Variants in PPM1H observed in about 807,000 individuals in gnomAD.
PPM1H encodes the protein protein phosphatase 1H.
In PPM1H, 27 loss-of-function variants were observed where a neutral mutation model predicts 54.9. That is an observed-to-expected ratio of 0.49 (90% confidence interval 0.36 to 0.68). The LOEUF (loss-of-function observed/expected upper bound fraction) is 0.68, where lower values mean the gene tolerates loss of function less well. Ranked by LOEUF, PPM1H falls within the 30% of genes least tolerant of loss-of-function variation. The pLI, the probability that PPM1H is intolerant of heterozygous loss-of-function variation, is 0.00. For synonymous variants in PPM1H, 305 were observed against 270.8 expected, an observed-to-expected ratio of 1.13 and a Z score of -1.24; for missense variants, 596 against 667.8, an observed-to-expected ratio of 0.89 and a Z score of 1.19.
At chr12:62,719,241 T>G (rs1003734052) in intron 6 of PPM1H, among the ~76,000 whole-genome samples, 1 of 152,156 alleles carries the variant, frequency 6.6e-6, no homozygotes, top group Non-Finnish European at 1.5e-5. Context: ...ACCATGGGAA[T>G]TTGGGCTGTG....
intron 8 of PPM1H, among the ~76,000 whole-genome samples, chr12:62,684,916 T>C (rs1592542069): frequency 6.6e-6 from 1 of 152,118 alleles, no homozygotes; most frequent in East Asian, 1.9e-4. Flanking sequence ...GCTCCAAAAA[T>C]TGTGGACAGG....
chr12:62,923,614 C>A (rs1297863319), intron 1 of PPM1H, among the ~76,000 whole-genome samples: 1 of 152,190 alleles, frequency 6.6e-6, no homozygotes, highest in Non-Finnish European at 1.5e-5. Flanking sequence ...ATCGGCCAAG[C>A]TGGTCTCGAG....
intron 4 of PPM1H, among the ~76,000 whole-genome samples, chr12:62,741,613 T>A (rs1030737105): frequency 7.2e-5 from 11 of 152,330 alleles, no homozygotes; most frequent in African/African-American, 2.4e-4. Context: ...CCTCCTGGCC[T>A]ACCCTCCATG....
chr12:62,872,629 G>C (rs970661784), intron 1 of PPM1H, among the ~76,000 whole-genome samples: 3 of 152,132 alleles, frequency 2.0e-5, no homozygotes, highest in African/African-American at 7.2e-5. Flanking sequence ...AATTATATTT[G>C]CATATGTTTT....
chr12:62,832,695 AATCTT>A (rs1052277017), intron 1 of PPM1H, among the ~76,000 whole-genome samples: 4 of 152,164 alleles, frequency 2.6e-5, no homozygotes, highest in African/African-American at 7.2e-5. Flanking sequence ...AACCACCATC[AATCTT>A]ATCAAGGTAC....
At chr12:62,776,674 C>T (rs1019117272) in intron 4 of PPM1H, among the ~76,000 whole-genome samples, 1 of 152,180 alleles carries the variant, frequency 6.6e-6, no homozygotes, top group African/African-American at 2.4e-5. Flanking sequence ...CCAGCATTTC[C>T]AGACCCTAGC....
chr12:62,651,767 A>G (rs2075817953), intron 9 of PPM1H, among the ~76,000 whole-genome samples: 1 of 152,158 alleles, frequency 6.6e-6, no homozygotes, highest in Non-Finnish European at 1.5e-5. Context: ...AGTAGGCCCA[A>G]TACTCTACTA....
At chr12:62,817,525 A>G (rs1412407969) in intron 2 of PPM1H, among the ~76,000 whole-genome samples, 1 of 152,154 alleles carries the variant, frequency 6.6e-6, no homozygotes, top group Non-Finnish European at 1.5e-5. Context: ...TATTTTCTTC[A>G]CATGTGCAGA....
At chr12:62,658,102 C>T (rs900016001) in intron 9 of PPM1H, among the ~76,000 whole-genome samples, 1 of 144,218 alleles carries the variant, frequency 6.9e-6, no homozygotes, top group African/African-American at 2.6e-5. Flanking sequence ...CATGATGGCT[C>T]ACACCTGCAA....
intron 1 of PPM1H, among the ~76,000 whole-genome samples, chr12:62,832,953 T>C (rs1868396058): frequency 6.6e-6 from 1 of 152,236 alleles, no homozygotes; most frequent in Non-Finnish European, 1.5e-5. Context: ...GACACTGCTT[T>C]GCTCGAATTA....
At chr12:62,899,571 A>G (rs1871095694) in intron 1 of PPM1H, among the ~76,000 whole-genome samples, 1 of 152,260 alleles carries the variant, frequency 6.6e-6, no homozygotes, top group African/African-American at 2.4e-5. Context: ...ATCTATGTGC[A>G]TAGTTATTAA....
chr12:62,725,202 CT>C (rs1290446161), intron 5 of PPM1H, among the ~76,000 whole-genome samples: 1 of 152,228 alleles, frequency 6.6e-6, no homozygotes, highest in Non-Finnish European at 1.5e-5. Flanking sequence ...AAGCCCTTCA[CT>C]TTTCTCTGCA....
intron 1 of PPM1H, among the ~76,000 whole-genome samples, chr12:62,845,352 A>T (rs1349758317): frequency 3.9e-5 from 6 of 152,200 alleles, no homozygotes; most frequent in Non-Finnish European, 8.8e-5. Context: ...CTTCTTTTCT[A>T]ACTGTTGAGC....
At chr12:62,769,595 T>A (rs2076565984) in intron 4 of PPM1H, among the ~76,000 whole-genome samples, 1 of 152,206 alleles carries the variant, frequency 6.6e-6, no homozygotes, top group South Asian at 2.1e-4. Context: ...AAAGGCAATT[T>A]GTGAAAAGCA....
At chr12:62,685,342 A>C (rs151277892) in intron 8 of PPM1H, among the ~76,000 whole-genome samples, 28 of 152,306 alleles carry the variant, frequency 1.8e-4, no homozygotes, top group African/African-American at 6.5e-4. Context: ...GGTTTAAGAC[A>C]AATGCACCCT....
chr12:62,663,129 G>A (rs151277500), intron 9 of PPM1H, among the ~76,000 whole-genome samples: 5 of 152,056 alleles, frequency 3.3e-5, no homozygotes, highest in African/African-American at 7.2e-5. Context: ...CACTGGACAC[G>A]CAAGTTACTT....
intron 4 of PPM1H, among the ~76,000 whole-genome samples, chr12:62,768,697 G>T (rs529598314): frequency 6.6e-6 from 1 of 151,996 alleles, no homozygotes; most frequent in East Asian, 1.9e-4. Context: ...AAGGTTGTGC[G>T]AAATGAGAGA....
chr12:62,700,378 G>T (rs1261709802), intron 6 of PPM1H, among the ~76,000 whole-genome samples: 1 of 152,094 alleles, frequency 6.6e-6, no homozygotes, highest in African/African-American at 2.4e-5. Context: ...CCTTGGTCCT[G>T]CTATTCTTCC....
intron 4 of PPM1H, among the ~76,000 whole-genome samples, chr12:62,764,410 G>A (rs1379205882): frequency 6.6e-6 from 1 of 152,180 alleles, no homozygotes; most frequent in Non-Finnish European, 1.5e-5. Flanking sequence ...CAAATGTTGA[G>A]TAACAGCTAT....
Sources: gnomAD v4.1 joint callset for allele counts (sites outside exome capture counted in the v4.1 genomes callset) on GRCh38, gnomAD v4.1.1 for gene constraint, MANE v1.5 for transcripts, NCBI Gene and HGNC (gene_info 2026-07-23, HGNC 2026-07-21) for gene names.